Variants in SERPINB9 observed in about 807,000 individuals in gnomAD.
The protein encoded by SERPINB9 is serpin B9.
Under a neutral mutation model 27.2 loss-of-function variants are expected in SERPINB9, and 20 were observed. That is an observed-to-expected ratio of 0.74 (90% CI 0.52 to 1.07). SERPINB9 has a LOEUF of 1.07. SERPINB9 is among the 50% of genes least tolerant of loss of function. The probability of loss-of-function intolerance (pLI) is 0.00; values close to 1 mark genes in which losing one functional copy is unlikely to be tolerated. For missense variants in SERPINB9, 476 were observed against 460.1 expected, an observed-to-expected ratio of 1.03 and a Z score of -0.32; for synonymous variants, 189 against 180.0, an observed-to-expected ratio of 1.05 and a Z score of -0.40.
rs1331551244 is a variant in SERPINB9 at position 2,890,806 on chromosome 6, G to C, written c.724-236C>G. 3.3e-5 allele frequency among the ~76,000 whole-genome samples: 5 copies of C among 152,170 alleles called. No individual in the cohort carries two copies. ...AGTCAGAGGCAGGAAGGCTGTGGCT[G>C]TCCTCTCCTTATCCAACAACTCCAG... On this transcript the variant is annotated intron_variant, in intron 6 of 6. Transcript: ENST00000380698. The surrounding 1 kb of genome is among the most constrained non-coding windows in gnomAD (Gnocchi z 6.2).
At position 2,891,830 on chromosome 6, in the gene SERPINB9, T is replaced by TA. The variant is rs1561643503; in HGVS notation, c.723+2dup. On this transcript the variant is annotated splice_region_variant and intron_variant, in intron 6 of 6. Coordinates refer to ENST00000380698, the MANE Select transcript of SERPINB9 (RefSeq NM_004155.6). This position sits in a 1 kb window ranked among gnomAD's most constrained non-coding sequence, Gnocchi z 4.0. ...TGGGTTCTTCCCGCAGCCCGGGTCT[T>TA]ACCGTGCTGAGCTCCACGCCGTCGT... 6.3e-7 allele frequency: 1 copy of TA among 1,594,188 alleles called. No homozygotes were observed. The highest frequency in any genetic ancestry group is 2.2e-5 in the East Asian group (1 of 44,644).
chr6:2,893,258 T>G, intron 5 of SERPINB9, among the ~76,000 whole-genome samples, 153 bp downstream of exon 5: 1 of 67,110 alleles, frequency 1.5e-5, no homozygotes, highest in Non-Finnish European at 3.1e-5. Context: ...ACTCCTTCCG[T>G]TTTTTTCTAC....
In SERPINB9 at chr6:2,891,852, T is replaced by C. The variant is rs751186519; in HGVS notation, c.704A>G (p.Asp235Gly). ...ELSLLVLLPD[D>G]GVELSTVEKS... ...TCTTACCGTGCTGAGCTCCACGCCG[T>C]CGTCAGGCAGCAGCACCAGCAGGCT... The change falls in exon 6 of 7, where the codon GAC (aspartate) becomes GGC (glycine). Residue 235 changes from aspartate (D) to glycine (G), a missense_variant. Coordinates refer to ENST00000380698, the MANE Select transcript of SERPINB9 (RefSeq NM_004155.6). This position sits in a 1 kb window ranked among gnomAD's most constrained non-coding sequence, Gnocchi z 4.0. 55 of 1,607,376 alleles carry C rather than the reference T, an allele frequency of 3.4e-5. 1 individual carries two copies. Among genetic ancestry groups the C allele is most frequent in the Non-Finnish European group, 3.7e-5 (44 of 1,179,008 alleles).
rs569379862 is a variant in SERPINB9 at position 2,895,913 on chromosome 6, C to A, written c.306+140G>T. 106 of 847,530 alleles carry A rather than the reference C, an allele frequency of 1.3e-4. No homozygotes were observed. The Middle Eastern group carries it at 1.4e-3, about 12-fold the overall frequency. 52.5% of individuals were successfully genotyped at this position (847,530 alleles called of 1,614,324 possible). A position where few individuals can be genotyped will look rare whatever the true frequency, so the allele number is the denominator to read the frequency against. On this transcript the variant is annotated intron_variant, in intron 3 of 6. Coordinates refer to ENST00000380698, the MANE Select transcript of SERPINB9 (RefSeq NM_004155.6). The stretch of plus-strand genomic sequence containing the variant: ...ACCAGCCTGGGCAACGTAGTGAGAC[C>A]CCATCTTAGAAAAAAAAATAGTGCA...
intron 1 of SERPINB9, among the ~76,000 whole-genome samples, chr6:2,902,316 G>A (rs1178564625): frequency 6.6e-6 from 1 of 152,206 alleles, no homozygotes; most frequent in Non-Finnish European, 1.5e-5. Flanking sequence ...CCTTCCTCCC[G>A]AAGGTGATTC....
intron 5 of SERPINB9, among the ~76,000 whole-genome samples, chr6:2,893,028 T>C (rs1379115924): frequency 7.0e-6 from 1 of 142,416 alleles, no homozygotes; most frequent in African/African-American, 2.6e-5. Context: ...TGCCTCTCAC[T>C]CCCACATATC....
chr6:2,902,239 G>A (rs984521056), intron 1 of SERPINB9, among the ~76,000 whole-genome samples: 5 of 152,074 alleles, frequency 3.3e-5, no homozygotes, highest in Non-Finnish European at 7.4e-5. Context: ...CCGCGGCCCG[G>A]AGGCTCTGAT....
chr6:2,899,269 C>A (rs1470236317), intron 2 of SERPINB9, among the ~76,000 whole-genome samples: 1 of 152,080 alleles, frequency 6.6e-6, no homozygotes, highest in African/African-American at 2.4e-5. Context: ...AAACCAAAAA[C>A]CTTTGACAAA....
chr6:2,893,299 A>T, intron 5 of SERPINB9, 112 bp downstream of exon 5: 1 of 1,025,918 alleles, frequency 9.7e-7, no homozygotes, highest in Non-Finnish European at 1.4e-6. Context: ...GAAATACTTT[A>T]AGTTTCAAAT....
chr6:2,893,646 T>C lies in SERPINB9; in HGVS notation c.425-93A>G. On this transcript the variant is annotated intron_variant, in intron 4 of 6. Coordinates refer to ENST00000380698, the MANE Select transcript of SERPINB9 (RefSeq NM_004155.6). The stretch of plus-strand genomic sequence containing the variant: ...GATCATTAGTTGAGAAGCAAACTTC[T>C]GTTTTCAACTTTGCTGAGTTTGGGT... The C allele has an allele frequency of 6.1e-6, 7 of 1,150,542 alleles. No individual in the cohort carries two copies. The South Asian group carries it at 9.3e-5, about 15-fold the overall frequency. 71.3% of individuals were successfully genotyped at this position (1,150,542 alleles called of 1,614,324 possible).
At position 2,888,621 on chromosome 6, in the gene SERPINB9, T is replaced by C. The variant is rs181174568; in HGVS notation, c.*1542A>G. 10 of 152,250 alleles carry C rather than the reference T, an allele frequency of 6.6e-5. No homozygotes were observed. The highest frequency in any genetic ancestry group is 3.9e-4 in the Admixed American group (6 of 15,296). The allele number at this position is 152,250 out of a possible 1,614,324, so 9.4% of individuals were successfully genotyped here. The stretch of plus-strand genomic sequence containing the variant: ...TTCAATTTATATAAAATAGCAAGAA[T>C]AGATAAATCCATAGAGACAGAAAGC... On this transcript the variant is annotated 3_prime_UTR_variant, in exon 7 of 7. Coordinates refer to ENST00000380698, the MANE Select transcript of SERPINB9 (RefSeq NM_004155.6).
In SERPINB9 at chr6:2,887,567, C is replaced by T. The variant is rs1167481525; in HGVS notation, c.*2596G>A. 2.6e-5 allele frequency: 4 copies of T among 152,112 alleles called. No homozygotes were observed. The highest frequency in any genetic ancestry group is 4.4e-5 in the Non-Finnish European group (3 of 68,018). 9.4% of individuals were successfully genotyped at this position (152,112 alleles called of 1,614,324 possible). On this transcript the variant is annotated 3_prime_UTR_variant, in exon 7 of 7. Transcript: ENST00000380698. ...TTACATAAAAGATACTGAACTAGGG[C>T]TGGGCTCAGTGGCTTATGCCTGTAA... is the stretch of plus-strand genomic sequence containing the variant.
intron 5 of SERPINB9, among the ~76,000 whole-genome samples, chr6:2,892,553 G>T (rs1767847145): frequency 6.6e-6 from 1 of 152,082 alleles, no homozygotes; most frequent in Non-Finnish European, 1.5e-5. Context: ...TTAAAATACA[G>T]AAGAGGCATA....
At chr6:2,892,105 TAAAAAAAAAAAAAAAAAA>T (rs535487251) in intron 5 of SERPINB9, 117 bp from the exon 6 acceptor site, 10 of 118,052 alleles carry the variant, frequency 8.5e-5, no homozygotes, top group South Asian at 2.5e-4. Flanking sequence ...CAGTTAACAC[TAAAAAAAAAAAAAAAAAA>T]AAAAAAAAAA....
At chr6:2,902,050 C>A (rs1768223952) in intron 1 of SERPINB9, among the ~76,000 whole-genome samples, 1 of 152,166 alleles carries the variant, frequency 6.6e-6, no homozygotes, top group Admixed American at 6.5e-5. Flanking sequence ...CTCAAAGCCA[C>A]CTTGTTAAAA....
At position 2,889,921 on chromosome 6, in the gene SERPINB9, T is replaced by G; in HGVS notation, c.*242A>C. The stretch of plus-strand genomic sequence containing the variant: ...GAACTTTGCTTGCCATCCTATGGGA[T>G]TTGGACTGCAATTTTAATACAACAG... On this transcript the variant is annotated 3_prime_UTR_variant, in exon 7 of 7. Transcript: ENST00000380698. 2 of 410,716 alleles carry G rather than the reference T, an allele frequency of 4.9e-6. No individual in the cohort carries two copies. Among genetic ancestry groups the G allele is most frequent in the South Asian group, 5.7e-5 (1 of 17,540 alleles). 25.4% of individuals were successfully genotyped at this position (410,716 alleles called of 1,614,324 possible). A position where few individuals can be genotyped will look rare whatever the true frequency, so the allele number is the denominator to read the frequency against.
chr6:2,899,542 T>A (rs1412763627), intron 2 of SERPINB9, among the ~76,000 whole-genome samples: 1 of 152,214 alleles, frequency 6.6e-6, no homozygotes, highest in Non-Finnish European at 1.5e-5. Context: ...AAAATCTTAG[T>A]GTTATTTCAC....
rs865814544 is a variant in SERPINB9, at chr6:2,887,574, C to T, written c.*2589G>A. 9.9e-5 allele frequency: 15 copies of T among 152,220 alleles called. No homozygotes were observed. The highest frequency in any genetic ancestry group is 3.6e-4 in the African/African-American group (15 of 41,524). 9.4% of individuals were successfully genotyped at this position (152,220 alleles called of 1,614,324 possible). ...AAAGATACTGAACTAGGGCTGGGCT[C>T]AGTGGCTTATGCCTGTAATCCTAGC... On this transcript the variant is annotated 3_prime_UTR_variant, in exon 7 of 7. Coordinates refer to ENST00000380698, the MANE Select transcript of SERPINB9 (RefSeq NM_004155.6).
At position 2,890,043 on chromosome 6, in the gene SERPINB9, A is replaced by G; in HGVS notation, c.*120T>C. The G allele has an allele frequency of 1.2e-6, 1 of 851,682 alleles. No individual in the cohort carries two copies. Among genetic ancestry groups the G allele is most frequent in the South Asian group, 1.9e-5 (1 of 51,856 alleles). 52.8% of individuals were successfully genotyped at this position (851,682 alleles called of 1,614,324 possible). A position where few individuals can be genotyped will look rare whatever the true frequency, so the allele number is the denominator to read the frequency against. ...ATGCTGGCAAATCATGAGGGCAGAC[A>G]GGTAAAGAATCTGCCCTCATCTTTG... On this transcript the variant is annotated 3_prime_UTR_variant, in exon 7 of 7. Transcript: ENST00000380698. This position sits in a 1 kb window ranked among gnomAD's most constrained non-coding sequence, Gnocchi z 6.2.
Sources: allele counts gnomAD v4.1 joint callset (sites outside exome capture counted in the v4.1 genomes callset), GRCh38; gene constraint gnomAD v4.1.1; non-coding constraint Gnocchi (gnomAD v3.1); transcripts MANE v1.5; gene names NCBI Gene and HGNC (gene_info 2026-07-23, HGNC 2026-07-21).